CCM2: variants seen among roughly 807,000 people sequenced by gnomAD.
CCM2 encodes the protein CCM2 scaffold protein, also known as cerebral cavernous malformations 2 protein.
Under a neutral mutation model 44.9 loss-of-function variants are expected in CCM2, and 25 were observed. That is an observed-to-expected ratio of 0.56 (90% CI 0.41 to 0.78). The LOEUF (loss-of-function observed/expected upper bound fraction) is 0.78. Among genes scored for constraint, CCM2 ranks in the 30% least tolerant of loss-of-function variants. The probability of loss-of-function intolerance (pLI) is 0.00; values close to 1 mark genes in which losing one functional copy is unlikely to be tolerated. For synonymous variants in CCM2, 219 were observed against 241.1 expected, an observed-to-expected ratio of 0.91 and a Z score of 0.85; for missense variants, 481 against 580.6, an observed-to-expected ratio of 0.83 and a Z score of 1.76.
intron 2 of CCM2, among the ~76,000 whole-genome samples, chr7:45,046,305 TG>T (rs1797752328): frequency 6.6e-6 from 1 of 152,142 alleles, no homozygotes; most frequent in African/African-American, 2.4e-5. Flanking sequence ...ATAATAATTT[TG>T]AAAAAGAAGA....
intron 1 of CCM2, among the ~76,000 whole-genome samples, chr7:45,004,474 A>C (rs1436947761): frequency 2.0e-5 from 3 of 152,218 alleles, no homozygotes; most frequent in African/African-American, 7.2e-5. Context: ...TCTAGGTTAC[A>C]GGCCCTGAAC....
intron 1 of CCM2, among the ~76,000 whole-genome samples, chr7:45,018,722 T>A (rs996438226): frequency 3.9e-5 from 6 of 152,150 alleles, no homozygotes; most frequent in African/African-American, 1.4e-4. Flanking sequence ...CCTGTCATTT[T>A]TGTTGTACTG....
At chr7:45,002,442 G>A (rs192838013) in intron 1 of CCM2, among the ~76,000 whole-genome samples, 45 of 151,754 alleles carry the variant, frequency 3.0e-4, no homozygotes, top group Non-Finnish European at 4.6e-4. Flanking sequence ...GGCAGCGCTC[G>A]CCTATAGTCT....
Position 45,076,142 on chromosome 7 carries a change from G to A in CCM2, c.*85G>A. Reference sequence around the variant, plus strand: ...AGGAGCTGCCCAGACCTGCGTGTCAGCCCTTGGTGGTGGCCAGGGAGAGGC... The same window carrying A: ...AGGAGCTGCCCAGACCTGCGTGTCAACCCTTGGTGGTGGCCAGGGAGAGGC... On this transcript the variant is annotated 3_prime_UTR_variant, in exon 10 of 10. Coordinates refer to ENST00000258781, the MANE Select transcript of CCM2 (RefSeq NM_031443.4). The A allele has an allele frequency of 2.5e-6, 4 of 1,582,194 alleles. No individual in the cohort carries two copies. Among genetic ancestry groups the A allele is most frequent in the Non-Finnish European group, 3.4e-6 (4 of 1,166,536 alleles).
intron 4 of CCM2, among the ~76,000 whole-genome samples, chr7:45,066,325 T>C (rs1038081131): frequency 2.6e-5 from 4 of 152,130 alleles, no homozygotes; most frequent in African/African-American, 9.7e-5. Flanking sequence ...TTTAAAAATT[T>C]TTGTAAGGAT....
Position 45,038,266 on chromosome 7 carries a change from C to T in CCM2, c.44C>T (p.Ser15Leu), listed in dbSNP as rs747384033. The change falls in exon 2 of 10, where the codon TCG becomes TTG. Residue 15 changes from serine to leucine, a missense_variant. Physicochemically the swap from Ser to Leu is moderately radical, Grantham distance 145. Transcript: ENST00000258781. Reference sequence around the variant, plus strand: ...TTCTGCCTGCAGCCTGGAATTGTCTCGCCATTTAAACGAGTATTCCTAAAA... The same window carrying T: ...TTCTGCCTGCAGCCTGGAATTGTCTTGCCATTTAAACGAGTATTCCTAAAA... ...GKKGKKPGIV[S>L]PFKRVFLKGE... is the part of the protein sequence containing the mutation. 37 of 1,614,086 alleles carry T rather than the reference C, an allele frequency of 2.3e-5. No individual in the cohort carries two copies. Among genetic ancestry groups the T allele is most frequent in the Non-Finnish European group, 3.1e-5 (36 of 1,180,018 alleles).
At chr7:45,024,352 G>T in intron 1 of CCM2, among the ~76,000 whole-genome samples, 1 of 152,158 alleles carries the variant, frequency 6.6e-6, no homozygotes, top group East Asian at 1.9e-4. Flanking sequence ...CCTTAGTCAA[G>T]GCCCAAGAAA....
At chr7:45,046,189 T>G (rs1447215368) in intron 2 of CCM2, among the ~76,000 whole-genome samples, 1 of 152,230 alleles carries the variant, frequency 6.6e-6, no homozygotes, top group Non-Finnish European at 1.5e-5. Context: ...CAGCAAGAAT[T>G]TTTTGTAGAT....
At chr7:45,059,418 TAAAAA>T (rs55678662) in intron 2 of CCM2, among the ~76,000 whole-genome samples, 2 of 131,540 alleles carry the variant, frequency 1.5e-5, no homozygotes, top group Admixed American at 7.7e-5. Context: ...CCCTGTCTGT[TAAAAA>T]AAAAAAAAAG....
intron 6 of CCM2, chr7:45,072,359 A>G: frequency 2.6e-6 from 1 of 390,478 alleles, no homozygotes. Context: ...ACAAGTGAAG[A>G]CAGGGGTGAT....
chr7:45,051,196 G>A (rs1169937201), intron 2 of CCM2, among the ~76,000 whole-genome samples: 1 of 152,110 alleles, frequency 6.6e-6, no homozygotes, highest in Non-Finnish European at 1.5e-5. Flanking sequence ...AACCTTTCCA[G>A]ATGAACTACA....
At chr7:45,036,515 G>C (rs1388526913) in intron 1 of CCM2, among the ~76,000 whole-genome samples, 1 of 152,096 alleles carries the variant, frequency 6.6e-6, no homozygotes, top group African/African-American at 2.4e-5. Flanking sequence ...GGTGGTGGTG[G>C]GGAGGGGCTC....
At chr7:45,021,690 T>G (rs1313473917) in intron 1 of CCM2, among the ~76,000 whole-genome samples, 3 of 147,044 alleles carry the variant, frequency 2.0e-5, no homozygotes, top group African/African-American at 7.6e-5. Flanking sequence ...GGCAGGGGAG[T>G]AGGAGGAGGA....
chr7:45,036,515 G>A (rs1388526913), intron 1 of CCM2, among the ~76,000 whole-genome samples: 1 of 152,096 alleles, frequency 6.6e-6, no homozygotes, highest in African/African-American at 2.4e-5. Flanking sequence ...GGTGGTGGTG[G>A]GGAGGGGCTC....
At chr7:45,024,007 C>T (rs1048357747) in intron 1 of CCM2, among the ~76,000 whole-genome samples, 2 of 151,890 alleles carry the variant, frequency 1.3e-5, no homozygotes, top group Non-Finnish European at 2.9e-5. Context: ...TTGGGGGTTT[C>T]TCCATGCTGG....
chr7:45,042,398 G>A (rs1023635000), intron 2 of CCM2, among the ~76,000 whole-genome samples: 2 of 152,094 alleles, frequency 1.3e-5, no homozygotes, highest in African/African-American at 4.8e-5. Context: ...CTTATGGGTT[G>A]AAACGTTTGG....
chr7:45,006,445 G>A (rs575271507), intron 1 of CCM2, among the ~76,000 whole-genome samples: 2 of 151,990 alleles, frequency 1.3e-5, no homozygotes, highest in Admixed American at 6.6e-5. Context: ...CCAGGTTCCC[G>A]CCATTCTCCT....
chr7:45,023,804 T>TTTG (rs1796579364), intron 1 of CCM2, among the ~76,000 whole-genome samples: 3 of 135,294 alleles, frequency 2.2e-5, no homozygotes, highest in Non-Finnish European at 4.8e-5. Flanking sequence ...TTTTTTTTTT[T>TTTG]TTTTTTTTTT....
intron 3 of CCM2, 45 bp downstream of exon 3, chr7:45,064,046 C>T: frequency 7.3e-7 from 1 of 1,372,606 alleles, no homozygotes; most frequent in Non-Finnish European, 1.0e-6. Context: ...TCAGCCCCCA[C>T]CAGCCCTTGG....
Sources: gnomAD v4.1 joint callset for allele counts (sites outside exome capture counted in the v4.1 genomes callset) on GRCh38, gnomAD v4.1.1 for gene constraint, MANE v1.5 for transcripts, NCBI Gene and HGNC (gene_info 2026-07-23, HGNC 2026-07-21) for gene names.